Variants in PCDHGB2 observed in about 807,000 individuals in gnomAD.
PCDHGB2 encodes protocadherin gamma subfamily B, 2.
In PCDHGB2, 55 loss-of-function variants were observed where a neutral mutation model predicts 59.3. The ratio of observed to expected loss-of-function variants is 0.93; its 90% CI spans 0.75 to 1.16. The LOEUF (loss-of-function observed/expected upper bound fraction) is 1.16. Among genes scored for constraint, PCDHGB2 ranks in the 50% most tolerant of loss-of-function variants. The probability of loss-of-function intolerance (pLI) is 0.00; values close to 1 mark genes in which losing one functional copy is unlikely to be tolerated. For synonymous variants in PCDHGB2, 516 were observed against 512.0 expected (o/e 1.01, Z -0.11); for missense variants, 1,228 against 1,198.5 (o/e 1.02, Z -0.36).
At chr5:141,374,816 C>T (rs771806207) in intron 1 of PCDHGB2, 1 of 1,613,964 alleles carries the variant, frequency 6.2e-7, no homozygotes, top group East Asian at 2.2e-5. Flanking sequence ...GTTTACTCAG[C>T]CTGTCTACCG....
intron 1 of PCDHGB2, chr5:141,393,354 G>T: frequency 6.2e-7 from 1 of 1,613,944 alleles, no homozygotes; most frequent in African/African-American, 1.3e-5. Flanking sequence ...CTTCTCCCTG[G>T]ACGTGCAGAC....
Position 141,490,618 on chromosome 5 carries a change from A to C in PCDHGB2, c.2422-4189A>C. The C allele has an allele frequency of 6.2e-7, 1 of 1,614,104 alleles. No homozygotes were observed. Among genetic ancestry groups the C allele is most frequent in the South Asian group, 1.1e-5 (1 of 91,080 alleles). ...ACCCCGCTTCAACCAGCAGCTTTAC[A>C]CTGCTTACATCCTAGAAAACCGGCC... On this transcript the variant is annotated intron_variant, in intron 1 of 3. Coordinates refer to ENST00000522605, the MANE Select transcript of PCDHGB2 (RefSeq NM_018923.3). This position sits in a 1 kb window ranked among gnomAD's most constrained non-coding sequence, Gnocchi z 5.4.
intron 1 of PCDHGB2, among the ~76,000 whole-genome samples, chr5:141,363,114 G>C (rs1762815949): frequency 6.6e-6 from 1 of 152,244 alleles, no homozygotes; most frequent in Non-Finnish European, 1.5e-5. Flanking sequence ...TTTGAGGTCT[G>C]AGGTGTCTGC....
At chr5:141,497,818 G>T (rs2099779657) in intron 2 of PCDHGB2, among the ~76,000 whole-genome samples, 1 of 152,194 alleles carries the variant, frequency 6.6e-6, no homozygotes, top group African/African-American at 2.4e-5. Context: ...AGAATTACAG[G>T]TGTGATCGCC....
At chr5:141,470,548 A>G (rs2099232978) in intron 1 of PCDHGB2, among the ~76,000 whole-genome samples, 1 of 152,182 alleles carries the variant, frequency 6.6e-6, no homozygotes, top group Non-Finnish European at 1.5e-5. Context: ...ATATTTATTG[A>G]GAGTTTCCTC....
At chr5:141,396,406 G>A (rs1245754617) in intron 1 of PCDHGB2, 2 of 152,190 alleles carry the variant, frequency 1.3e-5, no homozygotes, top group African/African-American at 4.8e-5. Context: ...ATCACCTGAG[G>A]TCAGGAGTTC....
Position 141,361,410 on chromosome 5 carries a change from C to A in PCDHGB2, c.1275C>A (p.Thr425=), listed in dbSNP as rs759239364. 1.2e-6 allele frequency: 2 copies of A among 1,614,052 alleles called. No individual in the cohort carries two copies. Among genetic ancestry groups the A allele is most frequent in the South Asian group, 2.2e-5 (2 of 91,084 alleles). The change falls in exon 1 of 4, where the codon ACC becomes ACA. Residue 425 remains threonine, a synonymous_variant. Coordinates refer to ENST00000522605, the MANE Select transcript of PCDHGB2 (RefSeq NM_018923.3). Reference sequence around the variant, plus strand: ...AATACAATCTCACCATCACAGCCACCGACGGGGGCAAGCCGCCCCTCTCCT... The same window carrying A: ...AATACAATCTCACCATCACAGCCACAGACGGGGGCAAGCCGCCCCTCTCCT... ...IPEYNLTITA[T]DGGKPPLSSS...
At chr5:141,471,095 C>T (rs1266802067) in intron 1 of PCDHGB2, among the ~76,000 whole-genome samples, 1 of 144,764 alleles carries the variant, frequency 6.9e-6, no homozygotes, top group East Asian at 2.0e-4. Context: ...GTTGTCCAGG[C>T]TAGAGTGCAG....
chr5:141,438,450 A>G (rs1017249043), intron 1 of PCDHGB2, among the ~76,000 whole-genome samples: 32 of 151,738 alleles, frequency 2.1e-4, no homozygotes, highest in African/African-American at 7.5e-4. Flanking sequence ...ACTCAATACA[A>G]TGCTTGAGTT....
intron 1 of PCDHGB2, chr5:141,415,556 CTT>C: frequency 6.2e-7 from 1 of 1,614,078 alleles, no homozygotes; most frequent in Non-Finnish European, 8.5e-7. Context: ...AAAAACGATC[CTT>C]TGTCTTTGTT....
intron 1 of PCDHGB2, among the ~76,000 whole-genome samples, chr5:141,460,478 A>G (rs989135238): frequency 6.6e-5 from 10 of 152,136 alleles, no homozygotes; most frequent in African/African-American, 2.4e-4. Context: ...GGAATATCCA[A>G]TTGTCTCTTT....
chr5:141,439,211 A>G (rs1438403213), intron 1 of PCDHGB2, among the ~76,000 whole-genome samples: 1 of 151,666 alleles, frequency 6.6e-6, no homozygotes, highest in Non-Finnish European at 1.5e-5. Flanking sequence ...AAAAATCCAT[A>G]TGTGAAAATT....
chr5:141,461,392 A>G (rs781666201), intron 1 of PCDHGB2, among the ~76,000 whole-genome samples: 18 of 152,178 alleles, frequency 1.2e-4, no homozygotes, highest in Non-Finnish European at 2.2e-4. Context: ...ATGATTAGCG[A>G]TGTTGAGCAT....
intron 1 of PCDHGB2, chr5:141,367,477 C>A (rs1199717010): frequency 6.6e-6 from 1 of 152,048 alleles, no homozygotes; most frequent in Non-Finnish European, 1.5e-5. Context: ...GAGGAGCTTG[C>A]AGTAAGCCGA....
chr5:141,482,500 G>T (rs1409735210), intron 1 of PCDHGB2, among the ~76,000 whole-genome samples: 1 of 133,788 alleles, frequency 7.5e-6, no homozygotes, highest in Non-Finnish European at 1.5e-5. Flanking sequence ...TATCATTCTG[G>T]TACCCAGAGT....
intron 1 of PCDHGB2, chr5:141,492,046 A>C: frequency 6.1e-6 from 3 of 494,434 alleles, no homozygotes; most frequent in South Asian, 8.1e-5. Flanking sequence ...TCACAGATCC[A>C]CCCCTGCAGC....
intron 1 of PCDHGB2, chr5:141,427,785 TC>T: frequency 6.8e-7 from 1 of 1,470,156 alleles, no homozygotes; most frequent in Non-Finnish European, 9.4e-7. Flanking sequence ...GGCACTGTCG[TC>T]CTACGTGTCC....
At position 141,505,451 on chromosome 5, in the gene PCDHGB2, C is replaced by T. The variant is rs1350424069; in HGVS notation, c.2539C>T (p.Leu847=). Residue 847 remains leucine (L), a synonymous_variant, in exon 3 of 4, where the codon CTG becomes TTG. Transcript: ENST00000522605. The part of the protein sequence containing the change: ...WPNNQFDTEM[L]QAMILASASE... ...CAACAACCAGTTTGACACAGAGATG[C>T]TGCAAGCCATGATCTTGGCGTCCGC... The T allele has an allele frequency of 1.2e-6, 2 of 1,614,222 alleles. No individual in the cohort carries two copies. The highest frequency in any genetic ancestry group is 1.7e-6 in the Non-Finnish European group (2 of 1,180,048).
Position 141,433,407 on chromosome 5 carries a change from T to C in PCDHGB2, c.2422-61400T>C, listed in dbSNP as rs939103465. Among the ~76,000 whole-genome samples, 537 of 125,956 alleles carry C rather than the reference T, an allele frequency of 4.3e-3. 4 individuals carry two copies. Among genetic ancestry groups the C allele is most frequent in the African/African-American group, 0.016 (523 of 33,156 alleles). The allele number at this position is 125,956 out of a possible 152,430, so 82.6% of individuals were successfully genotyped here. On this transcript the variant is annotated intron_variant, in intron 1 of 3. Coordinates refer to ENST00000522605, the MANE Select transcript of PCDHGB2 (RefSeq NM_018923.3). ...TCTATCTATCTATCTATCTATCTATTACTTTCTTGTACAGACAGGAGTCTC... is the reference window on the plus strand; with the variant it reads ...TCTATCTATCTATCTATCTATCTATCACTTTCTTGTACAGACAGGAGTCTC...
Sources: gnomAD v4.1 joint callset for allele counts (sites outside exome capture counted in the v4.1 genomes callset) on GRCh38, gnomAD v4.1.1 for gene constraint, Gnocchi (gnomAD v3.1) non-coding constraint, MANE v1.5 for transcripts, NCBI Gene and HGNC (gene_info 2026-07-23, HGNC 2026-07-21) for gene names.